The following SDCCAG8 variants were observed in gnomAD, a reference collection of about 807,000 sequenced individuals.
SDCCAG8 encodes serologically defined colon cancer antigen 8.
In SDCCAG8, 74 loss-of-function variants were observed where a neutral mutation model predicts 101.8. The observed-to-expected ratio is 0.73, with a 90% CI of 0.60 to 0.88. SDCCAG8 has a LOEUF of 0.88. SDCCAG8 is among the 40% of genes least tolerant of loss of function. The probability of loss-of-function intolerance (pLI) is 0.00; values close to 1 mark genes in which losing one functional copy is unlikely to be tolerated. For synonymous variants in SDCCAG8, 281 were observed against 292.9 expected (o/e 0.96, Z 0.41); for missense variants, 787 against 822.6 (o/e 0.96, Z 0.53).
chr1:243,293,639 A>G, intron 6 of SDCCAG8: 3 of 368,832 alleles, frequency 8.1e-6, no homozygotes, highest in South Asian at 6.3e-5. Context: ...AAGACTGAAT[A>G]ATGTTCCATT....
intron 12 of SDCCAG8, among the ~76,000 whole-genome samples, chr1:243,373,186 G>A (rs72759844): frequency 0.12 from 17,793 of 151,868 alleles, 1,164 homozygotes; most frequent in African/African-American, 0.16. Context: ...TTTATTGTAC[G>A]ATGTGGTGAA....
chr1:243,417,917 A>T (rs2080710713), intron 14 of SDCCAG8, 51 bp from the exon 15 acceptor site: 2 of 1,338,320 alleles, frequency 1.5e-6, no homozygotes, highest in South Asian at 2.3e-5. Context: ...AGCACTGCAG[A>T]GCGACAACCA....
chr1:243,311,669 C>T (rs1316769240), intron 8 of SDCCAG8, among the ~76,000 whole-genome samples: 3 of 152,086 alleles, frequency 2.0e-5, no homozygotes, highest in African/African-American at 7.2e-5. Context: ...AATCCCAGCA[C>T]TTTGGGAGCC....
At chr1:243,462,804 G>C (rs779024042) in intron 16 of SDCCAG8, among the ~76,000 whole-genome samples, 17 of 151,896 alleles carry the variant, frequency 1.1e-4, no homozygotes, top group Non-Finnish European at 2.5e-4. Flanking sequence ...AGTCCCCAAG[G>C]CCTTTTCTGC....
At chr1:243,259,275 C>T (rs1230013760) in intron 1 of SDCCAG8, among the ~76,000 whole-genome samples, 2 of 151,368 alleles carry the variant, frequency 1.3e-5, no homozygotes, top group Non-Finnish European at 2.9e-5. Flanking sequence ...GGCGTGGTGG[C>T]GGGCGCCTGT....
intron 17 of SDCCAG8, 100 bp from the exon 18 acceptor site, chr1:243,499,656 A>G: frequency 1.0e-6 from 1 of 970,662 alleles, no homozygotes; most frequent in South Asian, 1.3e-5. Flanking sequence ...TTCTCCAACA[A>G]CAGTTTTCAT....
At chr1:243,269,566 A>C (rs1388296928) in intron 1 of SDCCAG8, among the ~76,000 whole-genome samples, 1 of 151,852 alleles carries the variant, frequency 6.6e-6, no homozygotes, top group Non-Finnish European at 1.5e-5. Context: ...TAAGCACTTC[A>C]GCTATGCAAA....
At chr1:243,454,001 A>G (rs1004474268) in intron 16 of SDCCAG8, among the ~76,000 whole-genome samples, 1 of 152,138 alleles carries the variant, frequency 6.6e-6, no homozygotes, top group Non-Finnish European at 1.5e-5. Context: ...GTACCATCCC[A>G]TTTGGCAAAC....
chr1:243,404,928 A>C (rs1420516667), intron 13 of SDCCAG8, among the ~76,000 whole-genome samples: 2 of 149,276 alleles, frequency 1.3e-5, no homozygotes, highest in Non-Finnish European at 3.0e-5. Flanking sequence ...GTGAAGTGGC[A>C]TGATCTCGGC....
At chr1:243,410,028 C>T (rs2080062177) in intron 13 of SDCCAG8, among the ~76,000 whole-genome samples, 1 of 152,114 alleles carries the variant, frequency 6.6e-6, no homozygotes, top group African/African-American at 2.4e-5. Context: ...TTGTGCCAAC[C>T]TGATACAGAG....
chr1:243,366,483 T>C (rs1476811766), intron 12 of SDCCAG8, among the ~76,000 whole-genome samples: 2 of 152,026 alleles, frequency 1.3e-5, no homozygotes, highest in Non-Finnish European at 2.9e-5. Context: ...CTTTAATGTT[T>C]AGACATAAGT....
chr1:243,256,545 A>C (rs1291916411), intron 1 of SDCCAG8, among the ~76,000 whole-genome samples: 1 of 152,210 alleles, frequency 6.6e-6, no homozygotes, highest in Non-Finnish European at 1.5e-5. Flanking sequence ...TTCAGTTCCC[A>C]TACGTTGCTA....
At chr1:243,383,556 A>C (rs746964354) in intron 13 of SDCCAG8, among the ~76,000 whole-genome samples, 13 of 152,218 alleles carry the variant, frequency 8.5e-5, no homozygotes. Context: ...CAGAAAGTTC[A>C]TTGAAATGAC....
At chr1:243,303,183 A>C (rs1049022463) in intron 6 of SDCCAG8, among the ~76,000 whole-genome samples, 1 of 152,230 alleles carries the variant, frequency 6.6e-6, no homozygotes, top group African/African-American at 2.4e-5. Flanking sequence ...CCAGAAAATG[A>C]GGAAGAAGAC....
chr1:243,257,699 C>T (rs985761711), intron 1 of SDCCAG8, among the ~76,000 whole-genome samples: 11 of 152,146 alleles, frequency 7.2e-5, no homozygotes, highest in Admixed American at 1.3e-4. Flanking sequence ...TCGACATTCT[C>T]AGTATTCAAA....
chr1:243,286,500 G>A (rs946837069), intron 5 of SDCCAG8, 103 bp downstream of exon 5: 3 of 1,214,702 alleles, frequency 2.5e-6, no homozygotes, highest in Non-Finnish European at 3.6e-6. Context: ...CTGAAGTGTG[G>A]CCAAAGTACT....
intron 12 of SDCCAG8, among the ~76,000 whole-genome samples, chr1:243,345,912 C>A (rs1427236736): frequency 6.6e-6 from 1 of 152,140 alleles, no homozygotes; most frequent in Non-Finnish European, 1.5e-5. Context: ...AATAGTGAAA[C>A]AATAGTAGTT....
At chr1:243,286,586 T>C (rs1218003423) in intron 5 of SDCCAG8, among the ~76,000 whole-genome samples, 189 bp downstream of exon 5, 2 of 152,180 alleles carry the variant, frequency 1.3e-5, no homozygotes, top group Non-Finnish European at 2.9e-5. Flanking sequence ...AACGATCTTG[T>C]GATATTTTGC....
Position 243,391,364 on chromosome 1 carries a change from A to G in SDCCAG8, c.1616+12501A>G, listed in dbSNP as rs1275018991. Among the ~76,000 whole-genome samples, 4 of 152,150 alleles carry G rather than the reference A, an allele frequency of 2.6e-5. No homozygotes were observed. The East Asian group carries it at 7.7e-4, about 29-fold the overall frequency. On this transcript the variant is annotated intron_variant, in intron 13 of 17. Transcript: ENST00000366541. ...GCCCACTTCAAGTAAACACATTTTT[A>G]TTATGCTGCAACTCTGTTAGAGCCA...
Sources: gnomAD v4.1 joint callset for allele counts (sites outside exome capture counted in the v4.1 genomes callset) on GRCh38, gnomAD v4.1.1 for gene constraint, MANE v1.5 for transcripts, NCBI Gene and HGNC (gene_info 2026-07-23, HGNC 2026-07-21) for gene names.